DTNBP1: variants seen among roughly 807,000 people sequenced by gnomAD.
The protein encoded by DTNBP1 is dysbindin.
DTNBP1 carries 35 observed loss-of-function variants against 42.8 expected under a neutral mutation model. The observed-to-expected ratio is 0.82, with a 90% CI of 0.63 to 1.09. The LOEUF (loss-of-function observed/expected upper bound fraction) is 1.09, where lower values mean the gene tolerates loss of function less well. DTNBP1 is among the 50% of genes least tolerant of loss of function. The pLI is 0.00. For missense variants in DTNBP1, 457 were observed against 424.2 expected (o/e 1.08, Z -0.68); for synonymous variants, 171 against 162.2 (o/e 1.05, Z -0.41).
At chr6:15,640,808 T>A (rs1403859213) in intron 3 of DTNBP1, among the ~76,000 whole-genome samples, 1 of 152,094 alleles carries the variant, frequency 6.6e-6, no homozygotes, top group Non-Finnish European at 1.5e-5. Flanking sequence ...AGGGGAAGGT[T>A]TGGAGGGTAA....
At chr6:15,662,698 A>T in intron 1 of DTNBP1, 116 bp downstream of exon 1, 1 of 1,338,392 alleles carries the variant, frequency 7.5e-7, no homozygotes, top group Non-Finnish European at 1.0e-6. Flanking sequence ...CGGGGCGGGG[A>T]GGTGCGGGAC....
At chr6:15,631,057 A>G (rs1759667643) in intron 4 of DTNBP1, among the ~76,000 whole-genome samples, 2 of 152,238 alleles carry the variant, frequency 1.3e-5, no homozygotes, top group African/African-American at 4.8e-5. Context: ...AATTTGTTAA[A>G]CAAGATGGAA....
At chr6:15,524,150 G>C in intron 9 of DTNBP1, 4 of 1,407,696 alleles carry the variant, frequency 2.8e-6, no homozygotes, top group Non-Finnish European at 3.8e-6. Flanking sequence ...CCTGTCGCAC[G>C]AAGAGGGAAG....
At chr6:15,556,848 G>C (rs748858687) in intron 7 of DTNBP1, among the ~76,000 whole-genome samples, 26 of 151,792 alleles carry the variant, frequency 1.7e-4, no homozygotes, top group Non-Finnish European at 2.8e-4. Context: ...CTTCCATCCT[G>C]CCCAGGGACC....
At chr6:15,612,559 C>T (rs12206102) in intron 6 of DTNBP1, among the ~76,000 whole-genome samples, 130 of 152,200 alleles carry the variant, frequency 8.5e-4, no homozygotes, top group Non-Finnish European at 1.7e-3. Flanking sequence ...ATACCCATTT[C>T]TTTATAGCTG....
chr6:15,652,215 T>C (rs1156993612), intron 1 of DTNBP1, 75 bp from the exon 2 acceptor site: 6 of 1,239,564 alleles, frequency 4.8e-6, no homozygotes, highest in Non-Finnish European at 6.9e-6. Context: ...AGGGTCTCAC[T>C]CTGTCGTCCA....
chr6:15,660,928 A>T (rs1410249482), intron 1 of DTNBP1, among the ~76,000 whole-genome samples: 1 of 152,182 alleles, frequency 6.6e-6, no homozygotes, highest in African/African-American at 2.4e-5. Context: ...TCAGCATCAC[A>T]CCAAAAAGTT....
At position 15,527,938 on chromosome 6, in the gene DTNBP1, G is replaced by C. The variant is rs559721401; in HGVS notation, c.668-3269C>G. Among the ~76,000 whole-genome samples the C allele has an allele frequency of 2.0e-5, 3 of 152,248 alleles. No homozygotes were observed. In the East Asian group the frequency reaches 5.8e-4, roughly 29 times the overall value. The stretch of plus-strand genomic sequence containing the variant: ...CTATAACTATCAGAAAAAAAGAATA[G>C]GTAACTCTTCAAATAGAGTAGTCAC... On this transcript the variant is annotated intron_variant, in intron 8 of 9. Transcript: ENST00000344537.
intron 7 of DTNBP1, among the ~76,000 whole-genome samples, chr6:15,534,916 G>C (rs906586570): frequency 6.6e-6 from 1 of 152,132 alleles, no homozygotes; most frequent in Non-Finnish European, 1.5e-5. Context: ...TACAAGGCAA[G>C]AACACTAACA....
rs16876569 is a variant in DTNBP1 at position 15,524,430 on chromosome 6, C to T, written c.811+96G>A. On this transcript the variant is annotated intron_variant, in intron 9 of 9. Coordinates refer to ENST00000344537, the MANE Select transcript of DTNBP1 (RefSeq NM_032122.5). Reference sequence around the variant, plus strand: ...CTGGCTGTGAGCTTGGGGGTTTATGCGTAAGTGACTGGCAGATGGTTCTCA... The same window carrying T: ...CTGGCTGTGAGCTTGGGGGTTTATGTGTAAGTGACTGGCAGATGGTTCTCA... 8,701 of 1,614,120 alleles carry T rather than the reference C, an allele frequency of 5.4e-3. 28 individuals are homozygous for T. Among genetic ancestry groups the T allele is most frequent in the Non-Finnish European group, 6.5e-3 (7,698 of 1,180,010 alleles).
chr6:15,559,743 C>G (rs1227671983), intron 7 of DTNBP1, among the ~76,000 whole-genome samples: 1 of 152,194 alleles, frequency 6.6e-6, no homozygotes, highest in Non-Finnish European at 1.5e-5. Context: ...CGCCCAACTA[C>G]ACATCACACA....
At chr6:15,643,937 T>C (rs1288280369) in intron 3 of DTNBP1, among the ~76,000 whole-genome samples, 1 of 152,056 alleles carries the variant, frequency 6.6e-6, no homozygotes, top group Non-Finnish European at 1.5e-5. Flanking sequence ...CACATATCAA[T>C]ATTAACCTTG....
At chr6:15,625,533 T>C (rs1368593742) in intron 5 of DTNBP1, among the ~76,000 whole-genome samples, 1 of 152,226 alleles carries the variant, frequency 6.6e-6, no homozygotes, top group Non-Finnish European at 1.5e-5. Flanking sequence ...CATGTGTCAC[T>C]AAACATCAAA....
chr6:15,611,197 A>T lies in DTNBP1; in HGVS notation c.488+4070T>A, dbSNP rs996847486. On this transcript the variant is annotated intron_variant, in intron 6 of 9. Coordinates refer to ENST00000344537, the MANE Select transcript of DTNBP1 (RefSeq NM_032122.5). ...TGAAAATCTTTGGAGGCATCCTGAA[A>T]ATCCATAGAATTATGCTAAATTTAC... Among the ~76,000 whole-genome samples, 3 of 152,186 alleles carry T rather than the reference A, an allele frequency of 2.0e-5. No individual in the cohort carries two copies. The South Asian group carries it at 6.2e-4, about 32-fold the overall frequency.
intron 6 of DTNBP1, among the ~76,000 whole-genome samples, chr6:15,593,524 T>C (rs975615929): frequency 6.6e-6 from 1 of 152,210 alleles, no homozygotes; most frequent in Non-Finnish European, 1.5e-5. Flanking sequence ...GCAGTTGTTT[T>C]CCCTTTCAAC....
chr6:15,524,538 A>G lies in DTNBP1; in HGVS notation c.799T>C (p.Ser267Pro). 6.2e-7 allele frequency: 1 copy of G among 1,608,820 alleles called. No homozygotes were observed. Among genetic ancestry groups the G allele is most frequent in the Non-Finnish European group, 8.5e-7 (1 of 1,176,618 alleles). ...TTGTCAACCCTACCTAAGGCGGGGG[A>G]CAGCACAGTGTTCTCTTCTCCTCCA... ...NSGGEENTVLSPALGPESSTC... is the reference protein window; with the variant it reads ...NSGGEENTVLPPALGPESSTC... The change falls in exon 9 of 10, where the codon TCC (serine) becomes CCC (proline). Residue 267 changes from serine to proline, a missense_variant. Transcript: ENST00000344537.
intron 8 of DTNBP1, among the ~76,000 whole-genome samples, chr6:15,529,761 A>C (rs1002237300): frequency 6.6e-6 from 1 of 152,286 alleles, no homozygotes; most frequent in Non-Finnish European, 1.5e-5. Flanking sequence ...CTCAGCAATA[A>C]AATCAAAGCA....
At chr6:15,633,525 A>C (rs1759814336) in intron 4 of DTNBP1, among the ~76,000 whole-genome samples, 2 of 152,254 alleles carry the variant, frequency 1.3e-5, no homozygotes, top group African/African-American at 2.4e-5. Context: ...AGAGAACTCG[A>C]ATTAGAAGTG....
chr6:15,551,996 A>C (rs1163365088), intron 7 of DTNBP1, among the ~76,000 whole-genome samples: 2 of 152,154 alleles, frequency 1.3e-5, no homozygotes, highest in Non-Finnish European at 2.9e-5. Context: ...GACGGGAAAC[A>C]CCAGCATGCC....
Sources: gnomAD v4.1 joint callset for allele counts (sites outside exome capture counted in the v4.1 genomes callset) on GRCh38, gnomAD v4.1.1 for gene constraint, MANE v1.5 for transcripts, NCBI Gene and HGNC (gene_info 2026-07-23, HGNC 2026-07-21) for gene names.